The following NAA16 variants were observed in gnomAD, a reference collection of about 807,000 sequenced individuals.
NAA16 encodes N-alpha-acetyltransferase 16, NatA auxiliary subunit, also known as NARG1-like protein.
NAA16 carries 97 observed loss-of-function variants against 110.3 expected under a neutral mutation model. The ratio of observed to expected loss-of-function variants is 0.88; its 90% CI spans 0.75 to 1.04. NAA16 has a LOEUF of 1.04. NAA16 is among the 50% of genes least tolerant of loss of function. The pLI is 0.00. For synonymous variants in NAA16, 372 were observed against 330.6 expected, an observed-to-expected ratio of 1.13 and a Z score of -1.36; for missense variants, 1,017 against 1,005.1, an observed-to-expected ratio of 1.01 and a Z score of -0.16.
rs2042314135 is a variant in NAA16, at chr13:41,334,121, T to G, written c.908-2529T>G. 2.0e-5 allele frequency among the ~76,000 whole-genome samples: 3 copies of G among 152,288 alleles called. 1 individual carries two copies. The South Asian group carries it at 6.2e-4, about 32-fold the overall frequency. On this transcript the variant is annotated intron_variant, in intron 8 of 19. Coordinates refer to ENST00000379406, the MANE Select transcript of NAA16 (RefSeq NM_024561.5). Reference sequence around the variant, plus strand: ...TTTTTTTGCCTGTCTAGAAGTGCTTTTATGTGCAATTAGAAAGCCGTCTTG... The same window carrying G: ...TTTTTTTGCCTGTCTAGAAGTGCTTGTATGTGCAATTAGAAAGCCGTCTTG...
intron 10 of NAA16, among the ~76,000 whole-genome samples, chr13:41,356,295 G>A (rs530356904): frequency 1.2e-3 from 190 of 152,328 alleles, no homozygotes; most frequent in African/African-American, 4.5e-3. Flanking sequence ...CGAAAGTGCT[G>A]GGATTACAGG....
chr13:41,359,037 T>A, intron 12 of NAA16, 75 bp downstream of exon 12: 2 of 1,302,416 alleles, frequency 1.5e-6, no homozygotes, highest in Non-Finnish European at 2.1e-6. Flanking sequence ...ATTAAGACAG[T>A]TTGTGAAGAA....
chr13:41,348,889 G>C (rs2042753967), intron 9 of NAA16, among the ~76,000 whole-genome samples: 1 of 152,080 alleles, frequency 6.6e-6, no homozygotes, highest in Non-Finnish European at 1.5e-5. Flanking sequence ...CATGGTTTTA[G>C]ATATTTGTCT....
chr13:41,346,429 A>G (rs2042681773), intron 9 of NAA16, among the ~76,000 whole-genome samples: 1 of 152,158 alleles, frequency 6.6e-6, no homozygotes, highest in South Asian at 2.1e-4. Context: ...CTCAGGAAAA[A>G]ACACAGTTTA....
chr13:41,312,919 C>T (rs993329737), intron 1 of NAA16, among the ~76,000 whole-genome samples: 1 of 152,048 alleles, frequency 6.6e-6, no homozygotes, highest in Non-Finnish European at 1.5e-5. Context: ...TTTTATTTTA[C>T]TTCTCATGCC....
In NAA16 at chr13:41,369,278, G is replaced by T. The variant is rs766022285; in HGVS notation, c.1942G>T (p.Glu648Ter). ...LKEELIPEKL[E>*]RVENPLEEAV... ...GGAAGAACTTATACCTGAAAAATTA[G>T]AAAGGGTGAGATGGGTTTTACTATC... The change falls in exon 15 of 20, where the codon GAA becomes TAA. Residue 648 changes from glutamate (E) to a stop codon, truncating the protein, a stop_gained. Transcript: ENST00000379406. LOFTEE classifies it high-confidence loss of function. 1.9e-6 allele frequency: 3 copies of T among 1,563,762 alleles called. No homozygotes were observed. The African/African-American group carries it at 4.2e-5, about 22-fold the overall frequency.
At chr13:41,338,853 C>T (rs2042452997) in intron 9 of NAA16, among the ~76,000 whole-genome samples, 3 of 152,060 alleles carry the variant, frequency 2.0e-5, no homozygotes, top group Admixed American at 6.6e-5. Flanking sequence ...ATTTTTGGTA[C>T]ACCCATCGCC....
chr13:41,311,458 C>A lies in NAA16; in HGVS notation c.-71C>A. On this transcript the variant is annotated 5_prime_UTR_variant, in exon 1 of 20. Coordinates refer to ENST00000379406, the MANE Select transcript of NAA16 (RefSeq NM_024561.5). ...TCTCAGCAGCGGTTCGTCCCGGTGC[C>A]CACCCCCGCGAAGCGGAGCGCCCGG... 1 of 1,468,322 alleles carries A rather than the reference C, an allele frequency of 6.8e-7. No individual in the cohort carries two copies. The highest frequency in any genetic ancestry group is 9.3e-7 in the Non-Finnish European group (1 of 1,072,670). The allele number at this position is 1,468,322 out of a possible 1,614,324, so 91.0% of individuals were successfully genotyped here. A position where few individuals can be genotyped will look rare whatever the true frequency, so the allele number is the denominator to read the frequency against.
chr13:41,331,227 A>T (rs371834703), intron 7 of NAA16, 47 bp from the exon 8 acceptor site: 2 of 1,143,464 alleles, frequency 1.7e-6, no homozygotes, highest in Non-Finnish European at 2.6e-6. Context: ...TTTACCATAG[A>T]TAAAAGTTTT....
intron 13 of NAA16, among the ~76,000 whole-genome samples, chr13:41,365,554 C>T (rs1462191991): frequency 6.6e-6 from 1 of 152,094 alleles, no homozygotes; most frequent in Non-Finnish European, 1.5e-5. Context: ...CTGCAGTATC[C>T]CACTTGTTTT....
intron 7 of NAA16, 118 bp from the exon 8 acceptor site, chr13:41,331,154 AAG>A (rs1730021004): frequency 1.2e-5 from 7 of 568,468 alleles, no homozygotes. Flanking sequence ...CCAAAATTGA[AAG>A]CAGCTTTAAT....
intron 13 of NAA16, among the ~76,000 whole-genome samples, chr13:41,365,010 C>T (rs1196296820): frequency 3.3e-5 from 5 of 152,084 alleles, no homozygotes; most frequent in Admixed American, 6.6e-5. Context: ...AAGCTGTGAA[C>T]GGCTTTTCTT....
chr13:41,326,474 G>A (rs939548230), intron 6 of NAA16, among the ~76,000 whole-genome samples: 1 of 152,108 alleles, frequency 6.6e-6, no homozygotes, highest in Admixed American at 6.5e-5. Flanking sequence ...AAAAATAATA[G>A]CTAATATAGA....
chr13:41,353,384 T>TA (rs991225060), intron 9 of NAA16, among the ~76,000 whole-genome samples: 3 of 151,920 alleles, frequency 2.0e-5, no homozygotes, highest in East Asian at 3.9e-4. Flanking sequence ...TAATTTTGCT[T>TA]AAAAAAAAGT....
chr13:41,369,251 A>C lies in NAA16; in HGVS notation c.1915A>C (p.Lys639Gln). 6.3e-7 allele frequency: 1 copy of C among 1,581,376 alleles called. No individual in the cohort carries two copies. Among genetic ancestry groups the C allele is most frequent in the Middle Eastern group, 1.9e-4 (1 of 5,136 alleles). ...AGAAGAAGAAGAAGCCAGTGGCCTT[A>C]AGGAAGAACTTATACCTGAAAAATT... ...DEEEEEASGL[K>Q]EELIPEKLER... Residue 639 changes from lysine to glutamine, a missense_variant, in exon 15 of 20, where the codon AAG becomes CAG. Transcript: ENST00000379406.
chr13:41,333,664 C>G (rs780688116), intron 8 of NAA16, among the ~76,000 whole-genome samples: 1 of 152,022 alleles, frequency 6.6e-6, no homozygotes, highest in Non-Finnish European at 1.5e-5. Flanking sequence ...AAGAAAGAAA[C>G]CTCGCTTAGC....
chr13:41,364,981 A>G (rs1266510559), intron 13 of NAA16, among the ~76,000 whole-genome samples: 4 of 152,210 alleles, frequency 2.6e-5, no homozygotes, highest in Non-Finnish European at 5.9e-5. Flanking sequence ...CCTTAAAAAA[A>G]TAAAAACACT....
intron 8 of NAA16, among the ~76,000 whole-genome samples, chr13:41,334,216 T>G (rs953194425): frequency 6.6e-6 from 1 of 152,158 alleles, no homozygotes; most frequent in Non-Finnish European, 1.5e-5. Flanking sequence ...GTGAAAGTTT[T>G]GAAAAAGCCT....
In NAA16 at chr13:41,363,394, C is replaced by T. The variant is rs150697300; in HGVS notation, c.1539+1235C>T. Among the ~76,000 whole-genome samples, 9 of 152,262 alleles carry T rather than the reference C, an allele frequency of 5.9e-5. No individual in the cohort carries two copies. The East Asian group carries it at 1.7e-3, about 29-fold the overall frequency. On this transcript the variant is annotated intron_variant, in intron 13 of 19. Coordinates refer to ENST00000379406, the MANE Select transcript of NAA16 (RefSeq NM_024561.5). ...ATTTCAGCAAGACCATAACTAGAAACTTACCAAATTTTCTGTTTAAATGAA... is the reference window on the plus strand; with the variant it reads ...ATTTCAGCAAGACCATAACTAGAAATTTACCAAATTTTCTGTTTAAATGAA...
Sources: gnomAD v4.1 joint callset for allele counts (sites outside exome capture counted in the v4.1 genomes callset) on GRCh38, gnomAD v4.1.1 for gene constraint, MANE v1.5 for transcripts, NCBI Gene and HGNC (gene_info 2026-07-23, HGNC 2026-07-21) for gene names.